Variants in CPT1C observed in about 807,000 individuals in gnomAD.
CPT1C encodes the protein palmitoyl thioesterase CPT1C.
Under a neutral mutation model 97.3 loss-of-function variants are expected in CPT1C, and 61 were observed. The observed-to-expected ratio is 0.63, with a 90% CI of 0.51 to 0.78. The LOEUF is 0.78. CPT1C is among the 30% of genes least tolerant of loss of function. CPT1C has a pLI of 0.00. For synonymous variants in CPT1C, 469 were observed against 447.2 expected (o/e 1.05, Z -0.61); for missense variants, 975 against 1,065.5 (o/e 0.92, Z 1.18).
At chr19:49,711,744 C>T (rs757932598) in intron 16 of CPT1C, 65 bp from the exon 17 acceptor site, 20 of 1,522,186 alleles carry the variant, frequency 1.3e-5, no homozygotes, top group East Asian at 4.6e-5. Flanking sequence ...CCAGATGTGC[C>T]GCAGGCCCAG....
At chr19:49,712,397 G>A in intron 17 of CPT1C, 1 of 361,804 alleles carries the variant, frequency 2.8e-6, no homozygotes, top group Admixed American at 4.4e-5. Context: ...CAGCAGAGAA[G>A]TCAGTTGTGG....
chr19:49,710,867 G>A lies in CPT1C; in HGVS notation c.1866+10G>A. On this transcript the variant is annotated intron_variant, in intron 16 of 19. Coordinates refer to ENST00000598293, the MANE Select transcript of CPT1C (RefSeq NM_001199753.2). ...GGACAAAGAGAAGACGGTGGGTGCA[G>A]CCCTCGCTTGAGGCTTCAGTTATTT... 1.2e-6 allele frequency: 2 copies of A among 1,600,204 alleles called. No homozygotes were observed. The highest frequency in any genetic ancestry group is 1.7e-6 in the Non-Finnish European group (2 of 1,170,346).
rs1280075866 is a variant in CPT1C at position 49,702,073 on chromosome 19, AATT to A, written c.693+442_693+444del. Among the ~76,000 whole-genome samples the A allele has an allele frequency of 1.9e-5, 2 of 107,128 alleles. 1 individual carries two copies. The highest frequency in any genetic ancestry group is 8.6e-5 in the African/African-American group (2 of 23,224). 70.3% of individuals were successfully genotyped at this position (107,128 alleles called of 152,430 possible). On this transcript the variant is annotated intron_variant, in intron 7 of 19. Transcript: ENST00000598293. ...AATTATAAATATATATTTATTTATA[AATT>A]ATAAATATATATTTATTTATAAATT...
chr19:49,704,184 TG>T (rs979318292), intron 7 of CPT1C, among the ~76,000 whole-genome samples: 3 of 152,128 alleles, frequency 2.0e-5, no homozygotes, highest in African/African-American at 7.2e-5. Flanking sequence ...TTTTCTTTTT[TG>T]GGGGGGACGG....
At position 49,701,481 on chromosome 19, in the gene CPT1C, C is replaced by T. The variant is rs759115802; in HGVS notation, c.556-16C>T. ...GGGCGGGCCGGGGGCGTGACCTGCC[C>T]TCTTCTCCCCTTTAGTACCTGGAGT... On this transcript the variant is annotated splice_polypyrimidine_tract_variant and intron_variant, in intron 6 of 19. Transcript: ENST00000598293. 3 of 1,599,432 alleles carry T rather than the reference C, an allele frequency of 1.9e-6. No individual in the cohort carries two copies. Among genetic ancestry groups the T allele is most frequent in the Non-Finnish European group, 2.6e-6 (3 of 1,169,292 alleles).
intron 4 of CPT1C, among the ~76,000 whole-genome samples, chr19:49,698,236 A>G (rs540296698): frequency 6.6e-6 from 1 of 151,636 alleles, no homozygotes; most frequent in South Asian, 2.1e-4. Context: ...GTGTGGTGTC[A>G]CTTACCTGTG....
In CPT1C at chr19:49,710,740, C is replaced by T. The variant is rs147638606; in HGVS notation, c.1749C>T (p.Cys583=). 1,058 of 1,613,296 alleles carry T rather than the reference C, an allele frequency of 6.6e-4. 1 individual carries two copies. The highest frequency in any genetic ancestry group is 8.4e-4 in the Non-Finnish European group (990 of 1,179,472). ...LAHFRDRGQF[C]LTYESAMTRL... Reference sequence around the variant, plus strand: ...TCCCCCAGGACAGGGGTCAATTCTGCCTGACTTATGAGTCGGCCATGACTC... The same window carrying T: ...TCCCCCAGGACAGGGGTCAATTCTGTCTGACTTATGAGTCGGCCATGACTC... The change falls in exon 16 of 20, where the codon TGC becomes TGT. Residue 583 remains cysteine (C), a synonymous_variant. Transcript: ENST00000598293.
At chr19:49,712,569 T>A (rs1304831383) in intron 17 of CPT1C, 167 bp from the exon 18 acceptor site, 3 of 604,272 alleles carry the variant, frequency 5.0e-6, no homozygotes, top group Non-Finnish European at 8.9e-6. Context: ...GTGAGACGAG[T>A]GAGGGGCGTG....
chr19:49,713,024 T>C lies in CPT1C; in HGVS notation c.2186T>C (p.Ile729Thr). 1 of 1,614,004 alleles carries C rather than the reference T, an allele frequency of 6.2e-7. No individual in the cohort carries two copies. Among genetic ancestry groups the C allele is most frequent in the South Asian group, 1.1e-5 (1 of 91,078 alleles). Residue 729 changes from isoleucine to threonine, a missense_variant, in exon 19 of 20, where the codon ATC (isoleucine) becomes ACC (threonine). Physicochemically the swap from Ile to Thr is moderately conservative, Grantham distance 89. Coordinates refer to ENST00000598293, the MANE Select transcript of CPT1C (RefSeq NM_001199753.2). ...VSYIFMGDGM[I>T]TFHISSKKSS... Reference sequence around the variant, plus strand: ...TATATCTTCATGGGGGATGGCATGATCACCTTCCACATCTCCAGCAAAAAA... The same window carrying C: ...TATATCTTCATGGGGGATGGCATGACCACCTTCCACATCTCCAGCAAAAAA...
rs71180646 is a variant in CPT1C at position 49,695,584 on chromosome 19, CTTT to C, written c.142-1723_142-1721del. 1.3e-3 allele frequency among the ~76,000 whole-genome samples: 120 copies of C among 93,150 alleles called. 1 individual carries two copies. The highest frequency in any genetic ancestry group is 4.3e-3 in the African/African-American group (80 of 18,484). The allele number at this position is 93,150 out of a possible 152,430, so 61.1% of individuals were successfully genotyped here. Reference sequence around the variant, plus strand: ...ACAGGCATGATCCACTGCACCTGGCCTTTTTTTTTTTTTTTTTTTTTGACATGG... The same window carrying C: ...ACAGGCATGATCCACTGCACCTGGCCTTTTTTTTTTTTTTTTTTGACATGG... On this transcript the variant is annotated intron_variant, in intron 3 of 19. Transcript: ENST00000598293.
chr19:49,699,457 T>TAA (rs71180647), intron 4 of CPT1C, among the ~76,000 whole-genome samples: 2,345 of 35,322 alleles, frequency 0.066, 314 homozygotes, highest in East Asian at 0.11. Flanking sequence ...CCCCTGTCTC[T>TAA]AAAAAAAAAA....
chr19:49,706,416 G>A lies in CPT1C; in HGVS notation c.1343+3G>A. 6.8e-7 allele frequency: 1 copy of A among 1,477,684 alleles called. No individual in the cohort carries two copies. The highest frequency in any genetic ancestry group is 8.9e-7 in the Non-Finnish European group (1 of 1,123,066). The allele number at this position is 1,477,684 out of a possible 1,614,324, so 91.5% of individuals were successfully genotyped here. ...CTGGCCGGCCGGGGCCATGATCGGT[G>A]AGTGAGTCTTGGGATGGGGCCCCCA... is the stretch of plus-strand genomic sequence containing the variant. On this transcript the variant is annotated splice_donor_region_variant and intron_variant, in intron 12 of 19. Transcript: ENST00000598293. The surrounding 1 kb of genome is among the most constrained non-coding windows in gnomAD (Gnocchi z 4.8).
rs1223591894 is a variant in CPT1C, at chr19:49,691,232, T to C, written c.-192T>C. 6.6e-6 allele frequency: 1 copy of C among 151,684 alleles called. No homozygotes were observed. The highest frequency in any genetic ancestry group is 2.4e-5 in the African/African-American group (1 of 41,270). The allele number at this position is 151,684 out of a possible 1,614,324, so 9.4% of individuals were successfully genotyped here. ...CGGTGGTGGACTCCTTGCACTGGGA[T>C]TGGACATATGCAAGCGGGAGATTTG... is the stretch of plus-strand genomic sequence containing the variant. On this transcript the variant is annotated 5_prime_UTR_variant, in exon 1 of 20. Coordinates refer to ENST00000598293, the MANE Select transcript of CPT1C (RefSeq NM_001199753.2).
At chr19:49,708,462 A>T (rs1188312954) in intron 13 of CPT1C, among the ~76,000 whole-genome samples, 3 of 152,270 alleles carry the variant, frequency 2.0e-5, no homozygotes, top group Non-Finnish European at 4.4e-5. Context: ...TAATTTCACC[A>T]CTGCACACCA....
intron 14 of CPT1C, 25 bp downstream of exon 14, chr19:49,708,864 C>A: frequency 7.0e-7 from 1 of 1,421,372 alleles, no homozygotes; most frequent in Non-Finnish European, 9.9e-7. Context: ...CTGGGCCTCT[C>A]CTCCAAGTCC....
At chr19:49,709,855 AT>A (rs60267364) in intron 14 of CPT1C, among the ~76,000 whole-genome samples, 9 of 117,978 alleles carry the variant, frequency 7.6e-5, no homozygotes, top group Non-Finnish European at 7.2e-5. Context: ...CGCGCCCGGC[AT>A]TTTTTTTTTG....
Position 49,691,142 on chromosome 19 carries a change from G to C in CPT1C, c.-282G>C, listed in dbSNP as rs1075453. 64,530 of 151,470 alleles carry C rather than the reference G, an allele frequency of 0.43. 14,311 individuals carry two copies. The highest frequency in any genetic ancestry group is 0.56 in the African/African-American group (22,957 of 41,170). 9.4% of individuals were successfully genotyped at this position (151,470 alleles called of 1,614,324 possible). A position where few individuals can be genotyped will look rare whatever the true frequency, so the allele number is the denominator to read the frequency against. ...AATACCCGGCTAGGGACACGAGAGA[G>C]AGGAATCGGGGTTTCTGGGTGACGG... On this transcript the variant is annotated 5_prime_UTR_variant, in exon 1 of 20. Transcript: ENST00000598293.
chr19:49,698,412 C>T (rs544933285), intron 4 of CPT1C, among the ~76,000 whole-genome samples: 1 of 152,148 alleles, frequency 6.6e-6, no homozygotes, highest in African/African-American at 2.4e-5. Context: ...CCTGTAATCC[C>T]AGCACTTTGG....
chr19:49,707,928 G>A (rs1001444117), intron 13 of CPT1C, among the ~76,000 whole-genome samples: 27 of 149,862 alleles, frequency 1.8e-4, no homozygotes, highest in African/African-American at 5.9e-4. Context: ...GCATGAACCC[G>A]GGAGGTGGAG....
Sources: allele counts gnomAD v4.1 joint callset (sites outside exome capture counted in the v4.1 genomes callset), GRCh38; gene constraint gnomAD v4.1.1; non-coding constraint Gnocchi (gnomAD v3.1); transcripts MANE v1.5; gene names NCBI Gene and HGNC (gene_info 2026-07-23, HGNC 2026-07-21).